The following OTOGL variants were observed in gnomAD, a reference collection of about 807,000 sequenced individuals.
OTOGL encodes the protein otogelin like.
Under a neutral mutation model 318.5 loss-of-function variants are expected in OTOGL, and 285 were observed. The ratio of observed to expected loss-of-function variants is 0.89; its 90% CI spans 0.81 to 0.99. OTOGL has a LOEUF of 0.99. Among genes scored for constraint, OTOGL ranks in the 50% least tolerant of loss-of-function variants. The pLI is 0.00. For missense variants in OTOGL, 2,899 were observed against 2,845.6 expected (o/e 1.02, Z -0.43); for synonymous variants, 987 against 936.5 (o/e 1.05, Z -0.99).
Position 80,229,342 on chromosome 12 carries a change from G to A in OTOGL, c.575G>A (p.Arg192Gln), listed in dbSNP as rs540892936. The change falls in exon 8 of 59, where the codon CGA (arginine) becomes CAA (glutamine). Residue 192 changes from arginine (R) to glutamine (Q), a missense_variant. Physicochemically the swap from Arg to Gln is conservative, Grantham distance 43. Transcript: ENST00000547103. ...SLFFSNQEEI[R>Q]IYGHEIKKNG... ...TTCTTTTCAAACCAAGAGGAAATTC[G>A]AATTTATGGTCATGAAATAAAAAAG... The A allele has an allele frequency of 3.2e-5, 51 of 1,595,980 alleles. 2 individuals carry two copies. In the South Asian group the frequency reaches 3.4e-4, roughly 11 times the overall value.
At chr12:80,331,333 A>ATTTTTTTTTTTTTTT (rs386377119) in intron 37 of OTOGL, among the ~76,000 whole-genome samples, 2 of 81,816 alleles carry the variant, frequency 2.4e-5, no homozygotes, top group African/African-American at 4.8e-5. Flanking sequence ...AGTCATTAGA[A>ATTTTTTTTTTTTTTT]TTTTTTTTTT....
intron 1 of OTOGL, among the ~76,000 whole-genome samples, chr12:80,109,786 C>CT (rs1018838700): frequency 2.6e-5 from 4 of 151,894 alleles, no homozygotes; most frequent in Non-Finnish European, 4.4e-5. Context: ...AGTCTTTATT[C>CT]TTTTTTTTCT....
Position 80,238,941 on chromosome 12 carries a change from T to C in OTOGL, c.908T>C (p.Phe303Ser), listed in dbSNP as rs767362487. 1.7e-5 allele frequency: 27 copies of C among 1,597,330 alleles called. No individual in the cohort carries two copies. The South Asian group carries it at 3.0e-4, about 18-fold the overall frequency. ...DTKCVLTPSD[F>S]PNPCSSGMPA... ...AAATGTGTACTCACACCCTCAGATTTTCCAAATCCGTGCTCCAGTGGAATG... is the reference window on the plus strand; with the variant it reads ...AAATGTGTACTCACACCCTCAGATTCTCCAAATCCGTGCTCCAGTGGAATG... The change falls in exon 10 of 59, where the codon TTT becomes TCT. Residue 303 changes from phenylalanine to serine, a missense_variant. Phe to Ser is a radical substitution (Grantham distance 155, BLOSUM62 -2). This residue lies in a region of OTOGL where 2,607 missense variants were observed against 2,524.9 expected (regional missense o/e 1.03). Coordinates refer to ENST00000547103, the MANE Select transcript of OTOGL (RefSeq NM_001378609.3).
At chr12:80,170,851 AT>A (rs1375350805) in intron 1 of OTOGL, among the ~76,000 whole-genome samples, 11 of 152,284 alleles carry the variant, frequency 7.2e-5, no homozygotes, top group African/African-American at 2.6e-4. Context: ...AGTGTTTTTT[AT>A]AGAACAAAAT....
chr12:80,303,208 T>G (rs1885886920), intron 28 of OTOGL, among the ~76,000 whole-genome samples: 1 of 152,140 alleles, frequency 6.6e-6, no homozygotes, highest in Admixed American at 6.6e-5. Flanking sequence ...CAGGCTGGAG[T>G]GCAGTGGCGC....
intron 20 of OTOGL, chr12:80,265,452 G>C: frequency 4.0e-6 from 2 of 505,612 alleles, no homozygotes; most frequent in Non-Finnish European, 7.1e-6. Flanking sequence ...ACTATGTTTT[G>C]AAATACGCAA....
At chr12:80,119,852 G>A (rs1048456852) in intron 1 of OTOGL, among the ~76,000 whole-genome samples, 1 of 152,154 alleles carries the variant, frequency 6.6e-6, no homozygotes, top group African/African-American at 2.4e-5. Context: ...CTCATATGAT[G>A]TAATTCAATT....
At chr12:80,323,676 A>G in intron 34 of OTOGL, 47 bp from the exon 35 acceptor site, 1 of 1,380,196 alleles carries the variant, frequency 7.2e-7, no homozygotes, top group Non-Finnish European at 1.0e-6. Flanking sequence ...TTAGTTTTCA[A>G]GCTATGTATT....
chr12:80,162,644 A>C (rs1250957082), intron 1 of OTOGL, among the ~76,000 whole-genome samples: 1 of 152,150 alleles, frequency 6.6e-6, no homozygotes, highest in South Asian at 2.1e-4. Flanking sequence ...GTCTCTTCAC[A>C]TAGTCATCCC....
chr12:80,306,787 A>AAAT (rs1886137981), intron 29 of OTOGL, among the ~76,000 whole-genome samples: 11 of 109,308 alleles, frequency 1.0e-4, no homozygotes, highest in African/African-American at 3.2e-4. Context: ...TTTTTTTTAA[A>AAAT]TTTTATTTTA....
chr12:80,310,987 T>G, intron 30 of OTOGL, among the ~76,000 whole-genome samples: 1 of 152,354 alleles, frequency 6.6e-6, no homozygotes, highest in South Asian at 2.1e-4. Flanking sequence ...TTATGGAACA[T>G]TATTTACATA....
At chr12:80,161,005 C>G (rs1873476468) in intron 1 of OTOGL, among the ~76,000 whole-genome samples, 2 of 151,916 alleles carry the variant, frequency 1.3e-5, no homozygotes. Flanking sequence ...ATTGTGTGCT[C>G]TTATTCATAA....
chr12:80,285,513 T>C (rs1884547236), intron 26 of OTOGL, among the ~76,000 whole-genome samples: 1 of 152,198 alleles, frequency 6.6e-6, no homozygotes, highest in Admixed American at 6.6e-5. Context: ...TCTGTGAGCA[T>C]AGAATCTTTT....
rs116450944 is a variant in OTOGL at position 80,206,563 on chromosome 12, G to A, written c.-19-2850G>A. 5.1e-3 allele frequency among the ~76,000 whole-genome samples: 774 copies of A among 152,216 alleles called. 8 individuals carry two copies. Among genetic ancestry groups the A allele is most frequent in the African/African-American group, 0.018 (734 of 41,530 alleles). ...TCTTGCTCTGTTGCCAGGCTGGAGT[G>A]CAGTGGTGTGACCTCAGTTCACGGC... On this transcript the variant is annotated intron_variant, in intron 1 of 58. Transcript: ENST00000547103.
At chr12:80,329,228 G>A in intron 37 of OTOGL, 109 bp downstream of exon 37, 1 of 844,968 alleles carries the variant, frequency 1.2e-6, no homozygotes, top group South Asian at 2.5e-5. Context: ...ACTACCTATG[G>A]GCTAGGAAAC....
At chr12:80,164,455 T>C (rs1363329870) in intron 1 of OTOGL, among the ~76,000 whole-genome samples, 1 of 152,218 alleles carries the variant, frequency 6.6e-6, no homozygotes, top group African/African-American at 2.4e-5. Flanking sequence ...CTATTTCTTC[T>C]TGTGTCAGTT....
rs764178233 is a variant in OTOGL at position 80,302,644 on chromosome 12, G to GT, written c.3081dup (p.Leu1028SerfsTer31). 7.6e-5 allele frequency: 104 copies of GT among 1,367,814 alleles called. No homozygotes were observed. Among genetic ancestry groups the GT allele is most frequent in the Non-Finnish European group, 9.1e-5 (96 of 1,056,802 alleles). The allele number at this position is 1,367,814 out of a possible 1,614,324, so 84.7% of individuals were successfully genotyped here. A position where few individuals can be genotyped will look rare whatever the true frequency, so the allele number is the denominator to read the frequency against. ...TTTTTTGTTTTTAAGAAACAATCAG[G>GT]TTTTTTTCTGGAAAACAAATCTACC... On this transcript the variant is annotated frameshift_variant, in exon 28 of 59. Transcript: ENST00000547103. LOFTEE classifies it high-confidence loss of function.
intron 38 of OTOGL, among the ~76,000 whole-genome samples, chr12:80,334,331 T>C (rs1205548595): frequency 1.3e-5 from 2 of 152,184 alleles, no homozygotes; most frequent in Non-Finnish European, 2.9e-5. Flanking sequence ...TGGAGAAATC[T>C]TGGGGAGTGC....
chr12:80,265,429 C>T (rs183888337), intron 20 of OTOGL: 83 of 536,354 alleles, frequency 1.5e-4, no homozygotes, highest in East Asian at 6.5e-4. Flanking sequence ...TTGTAATAAA[C>T]GAAATTATTG....
Sources: allele counts gnomAD v4.1 joint callset (sites outside exome capture counted in the v4.1 genomes callset), GRCh38; gene constraint gnomAD v4.1.1; regional missense constraint gnomAD v4.1.1; transcripts MANE v1.5; gene names NCBI Gene and HGNC (gene_info 2026-07-23, HGNC 2026-07-21).